The following FSTL5 variants were observed in gnomAD, a reference collection of about 807,000 sequenced individuals.
FSTL5 encodes the protein follistatin like 5.
In FSTL5, 62 loss-of-function variants were observed where a neutral mutation model predicts 89.1. The ratio of observed to expected loss-of-function variants is 0.70; its 90% confidence interval spans 0.57 to 0.86. The LOEUF is 0.86. Among genes scored for constraint, FSTL5 ranks in the 40% least tolerant of loss-of-function variants. The pLI is 0.00. For missense variants in FSTL5, 1,057 were observed against 1,001.6 expected (o/e 1.06, Z -0.75); for synonymous variants, 383 against 346.2 (o/e 1.11, Z -1.18).
chr4:161,759,441 G>T lies in FSTL5; in HGVS notation c.697C>A (p.Leu233Met). 3 of 1,593,978 alleles carry T rather than the reference G, an allele frequency of 1.9e-6. 1 individual carries two copies. In the South Asian group the frequency reaches 3.4e-5, roughly 18 times the overall value. Residue 233 changes from leucine to methionine, a missense_variant, in exon 6 of 16, where the codon CTG (leucine) becomes ATG (methionine). Leu to Met is a conservative substitution (Grantham distance 15, BLOSUM62 2). Coordinates refer to ENST00000306100, the MANE Select transcript of FSTL5 (RefSeq NM_020116.5). ...KYDDFNADKH[L>M]ALEEFYRAFQ... ...GCTCTATAAAATTCTTCAAGAGCCAGGTGCTTGTCAGCATTAAAATCATCA... is the reference window on the plus strand; with the variant it reads ...GCTCTATAAAATTCTTCAAGAGCCATGTGCTTGTCAGCATTAAAATCATCA...
intron 6 of FSTL5, among the ~76,000 whole-genome samples, chr4:161,703,024 TG>T (rs1191473075): frequency 6.6e-6 from 1 of 151,934 alleles, no homozygotes; most frequent in Non-Finnish European, 1.5e-5. Flanking sequence ...GAGGAGATTA[TG>T]ACATAACAAA....
chr4:161,385,917 G>C lies in FSTL5; in HGVS notation c.2374C>G (p.Pro792Ala), dbSNP rs1453625503. 3.7e-6 allele frequency: 6 copies of C among 1,613,860 alleles called. No homozygotes were observed. The highest frequency in any genetic ancestry group is 5.1e-6 in the Non-Finnish European group (6 of 1,179,880). ...ATTTGCCTGTTTTTCCGGTTCCAAGGCCATTCTTCTGCCTTGAGTGGTTCC... is the reference window on the plus strand; with the variant it reads ...ATTTGCCTGTTTTTCCGGTTCCAAGCCCATTCTTCTGCCTTGAGTGGTTCC... ...LKEPLKAEEW[P>A]WNRKNRQIQD... The change falls in exon 16 of 16, where the codon CCT becomes GCT. Residue 792 changes from proline (P) to alanine (A), a missense_variant. By Grantham distance (27) the Pro-to-Ala change is conservative. This residue lies in a region of FSTL5 where 68 missense variants were observed against 73.3 expected (regional missense o/e 0.93). Transcript: ENST00000306100.
At chr4:161,767,904 C>T (rs1339165681) in intron 5 of FSTL5, among the ~76,000 whole-genome samples, 3 of 151,314 alleles carry the variant, frequency 2.0e-5, no homozygotes, top group East Asian at 1.9e-4. Context: ...GACACACCAA[C>T]GAAAAAAAAT....
chr4:161,740,936 C>T (rs2126771606), intron 6 of FSTL5, among the ~76,000 whole-genome samples: 1 of 152,258 alleles, frequency 6.6e-6, no homozygotes, highest in South Asian at 2.1e-4. Context: ...TTCATAGATG[C>T]TCCTTCTCAA....
chr4:161,745,408 A>C (rs1419132833), intron 6 of FSTL5, among the ~76,000 whole-genome samples: 1 of 152,094 alleles, frequency 6.6e-6, no homozygotes, highest in Non-Finnish European at 1.5e-5. Flanking sequence ...ACACAGTGCT[A>C]ATACAAAATC....
chr4:161,655,685 C>A (rs1217591251), intron 7 of FSTL5, among the ~76,000 whole-genome samples: 1 of 152,074 alleles, frequency 6.6e-6, no homozygotes, highest in Admixed American at 6.6e-5. Context: ...TTAGAACCAA[C>A]ACTGTGAATT....
At chr4:161,426,802 A>T (rs944053155) in intron 15 of FSTL5, among the ~76,000 whole-genome samples, 3 of 152,172 alleles carry the variant, frequency 2.0e-5, no homozygotes, top group African/African-American at 4.8e-5. Flanking sequence ...TGTAATATTT[A>T]TTTGTTTACC....
chr4:161,961,679 A>G (rs1024315341), intron 3 of FSTL5, among the ~76,000 whole-genome samples: 1 of 151,888 alleles, frequency 6.6e-6, no homozygotes, highest in Non-Finnish European at 1.5e-5. Context: ...ACTTACTGTT[A>G]GCAATAGATT....
intron 15 of FSTL5, among the ~76,000 whole-genome samples, chr4:161,414,216 T>C (rs949913841): frequency 1.3e-5 from 2 of 152,220 alleles, no homozygotes; most frequent in Non-Finnish European, 2.9e-5. Context: ...TAGAAATCAA[T>C]GTTTAATTCT....
intron 8 of FSTL5, among the ~76,000 whole-genome samples, chr4:161,566,100 CTATATATATATA>C (rs59511238): frequency 0.22 from 12,075 of 54,108 alleles, 1,661 homozygotes; most frequent in Non-Finnish European, 0.3. Context: ...TTTTTTTGGA[CTATATATATATA>C]TATATATATA....
intron 3 of FSTL5, among the ~76,000 whole-genome samples, chr4:161,987,783 G>A (rs914667665): frequency 1.3e-5 from 2 of 151,660 alleles, no homozygotes; most frequent in African/African-American, 4.8e-5. Flanking sequence ...ATGCAGGAAT[G>A]CAGGACAACA....
At chr4:161,389,958 G>C (rs1352562715) in intron 15 of FSTL5, among the ~76,000 whole-genome samples, 6 of 152,150 alleles carry the variant, frequency 3.9e-5, no homozygotes, top group Admixed American at 3.9e-4. Context: ...TGTTACCCAA[G>C]TGTGGCTATA....
chr4:161,608,500 T>A (rs1734529925), intron 7 of FSTL5, among the ~76,000 whole-genome samples: 1 of 152,036 alleles, frequency 6.6e-6, no homozygotes, highest in South Asian at 2.1e-4. Context: ...GGCTCAGAAA[T>A]CTTCTTTGTT....
chr4:161,497,002 G>A (rs910846706), intron 12 of FSTL5, among the ~76,000 whole-genome samples: 1 of 152,118 alleles, frequency 6.6e-6, no homozygotes, highest in African/African-American at 2.4e-5. Context: ...TTTGGAATTA[G>A]AAATATATTA....
rs77819503 is a variant in FSTL5, at chr4:161,797,681, C to A, written c.410-21607G>T. On this transcript the variant is annotated intron_variant, in intron 4 of 15. Coordinates refer to ENST00000306100, the MANE Select transcript of FSTL5 (RefSeq NM_020116.5). ...GATTCTGTAGGCTATTTTACAAGTC[C>A]TCTGTTTATTAAAGGATTCACATAT... Among the ~76,000 whole-genome samples the A allele has an allele frequency of 4.0e-5, 6 of 151,522 alleles. No homozygotes were observed. The East Asian group carries it at 1.2e-3, about 29-fold the overall frequency.
intron 10 of FSTL5, 126 bp downstream of exon 10, chr4:161,538,040 T>C: frequency 1.2e-6 from 1 of 825,292 alleles, no homozygotes; most frequent in Admixed American, 2.4e-5. Context: ...TTCCTACGTA[T>C]AAAATCTATT....
rs1471989536 is a variant in FSTL5, at chr4:161,550,656, A to G, written c.1016-7963T>C. ...GTGCAGGTTAGTTACATATGTTTAC[A>G]TGTGCCATGCTGGTGCGCTGCACCC... On this transcript the variant is annotated intron_variant, in intron 8 of 15. Transcript: ENST00000306100. Among the ~76,000 whole-genome samples, 9 of 151,538 alleles carry G rather than the reference A, an allele frequency of 5.9e-5. No homozygotes were observed. The South Asian group carries it at 1.2e-3, about 21-fold the overall frequency.
At chr4:161,995,331 A>G (rs1001982701) in intron 3 of FSTL5, among the ~76,000 whole-genome samples, 2 of 152,126 alleles carry the variant, frequency 1.3e-5, no homozygotes, top group African/African-American at 4.8e-5. Flanking sequence ...CAAATAAGAA[A>G]ACTGAGAAGT....
rs1317813331 is a variant in FSTL5 at position 161,961,874 on chromosome 4, TAACA to T, written c.161-41226_161-41223del. 4.0e-5 allele frequency among the ~76,000 whole-genome samples: 6 copies of T among 151,640 alleles called. No homozygotes were observed. In the East Asian group the frequency reaches 7.7e-4, roughly 20 times the overall value. On this transcript the variant is annotated intron_variant, in intron 3 of 15. Coordinates refer to ENST00000306100, the MANE Select transcript of FSTL5 (RefSeq NM_020116.5). ...TGTATTACATGACCAAAAGCTATGA[TAACA>T]AACAATTAGAAAGAAGATATTGAAA... is the stretch of plus-strand genomic sequence containing the variant.
Sources: gnomAD v4.1 joint callset for allele counts (sites outside exome capture counted in the v4.1 genomes callset) on GRCh38, gnomAD v4.1.1 for gene constraint, gnomAD v4.1.1 regional missense constraint, MANE v1.5 for transcripts, NCBI Gene and HGNC (gene_info 2026-07-23, HGNC 2026-07-21) for gene names.